Variants in FLOT1 observed in about 807,000 individuals in gnomAD.
FLOT1 encodes flotillin 1.
FLOT1 carries 40 observed loss-of-function variants against 58.4 expected under a neutral mutation model. The observed-to-expected ratio is 0.69, with a 90% CI of 0.53 to 0.89. The LOEUF is 0.89. FLOT1 is among the 40% of genes least tolerant of loss of function. FLOT1 has a pLI of 0.00. For missense variants in FLOT1, 423 were observed against 540.8 expected (o/e 0.78, Z 2.16); for synonymous variants, 178 against 204.2 (o/e 0.87, Z 1.09).
At chr6:30,731,689 C>T (rs1292036086) in intron 8 of FLOT1, among the ~76,000 whole-genome samples, 3 of 152,112 alleles carry the variant, frequency 2.0e-5, no homozygotes, top group African/African-American at 4.8e-5. Flanking sequence ...TGCTCAAATC[C>T]CCCCACTGTT....
At chr6:30,739,705 C>T (rs916529513) in intron 8 of FLOT1, among the ~76,000 whole-genome samples, 3 of 150,818 alleles carry the variant, frequency 2.0e-5, no homozygotes, top group African/African-American at 7.3e-5. Flanking sequence ...TCACTGTCAC[C>T]CAGGCTGGAG....
At chr6:30,729,995 C>G (rs754638843) in intron 12 of FLOT1, 27 bp downstream of exon 12, 1 of 1,587,104 alleles carries the variant, frequency 6.3e-7, no homozygotes, top group Non-Finnish European at 8.5e-7. Context: ...CCTAGCAATT[C>G]TCCTCAGCTC....
At chr6:30,728,723 C>A (rs1042132853) in intron 12 of FLOT1, among the ~76,000 whole-genome samples, 5 of 152,004 alleles carry the variant, frequency 3.3e-5, no homozygotes, top group African/African-American at 1.2e-4. Context: ...TCCACCCTGG[C>A]CTCCCAAAGT....
At chr6:30,731,195 G>A (rs914821220) in intron 8 of FLOT1, 95 bp from the exon 9 acceptor site, 16 of 1,333,034 alleles carry the variant, frequency 1.2e-5, no homozygotes, top group Admixed American at 1.1e-4. Context: ...ATAAAAATAG[G>A]AGCCGGTGGC....
chr6:30,731,548 C>T (rs1195899090), intron 8 of FLOT1, among the ~76,000 whole-genome samples: 1 of 150,838 alleles, frequency 6.6e-6, no homozygotes, highest in African/African-American at 2.4e-5. Context: ...GTCTGCTTGG[C>T]CAGTCCAGTG....
In FLOT1 at chr6:30,742,067, T is replaced by C; in HGVS notation, c.43+80A>G. On this transcript the variant is annotated intron_variant, in intron 2 of 12. Coordinates refer to ENST00000376389, the MANE Select transcript of FLOT1 (RefSeq NM_005803.4). This position sits in a 1 kb window ranked among gnomAD's most constrained non-coding sequence, Gnocchi z 5.2. ...CAGAAGTCTGGTGCTGGGAAGTTGG[T>C]AGGGAGAGGGAGAAGGGGCAGAGGC... 2.8e-6 allele frequency: 4 copies of C among 1,445,840 alleles called. No individual in the cohort carries two copies. The highest frequency in any genetic ancestry group is 3.9e-6 in the Non-Finnish European group (4 of 1,033,080). 89.6% of individuals were successfully genotyped at this position (1,445,840 alleles called of 1,614,324 possible). A position where few individuals can be genotyped will look rare whatever the true frequency, so the allele number is the denominator to read the frequency against.
Position 30,730,446 on chromosome 6 carries a change from C to G in FLOT1, c.1071G>C (p.Leu357=), listed in dbSNP as rs369254052. 67 of 1,577,798 alleles carry G rather than the reference C, an allele frequency of 4.2e-5. No homozygotes were observed. Among genetic ancestry groups the G allele is most frequent in the Admixed American group, 7.3e-5 (4 of 54,950 alleles). The change falls in exon 11 of 13, where the codon CTG becomes CTC. Residue 357 remains leucine (L), a synonymous_variant. Transcript: ENST00000376389. ...LYQEAAQLDM[L]LEKLPQVAEE... is the part of the protein sequence containing the mutation. ...TCCAGACCTGGGGCAGCTTCTCTAG[C>G]AGCATGTCCAGCTGAGCAGCCTCTT...
Position 30,740,819 on chromosome 6 carries a change from G to A in FLOT1, c.355-21C>T, listed in dbSNP as rs555852170. 28 of 1,589,404 alleles carry A rather than the reference G, an allele frequency of 1.8e-5. No homozygotes were observed. The South Asian group carries it at 3.0e-4, about 17-fold the overall frequency. ...ATCTCCTGTGATAACAGGATGGTGG[G>A]GAGAAGGGATGTAAGTTTTTTTTTT... On this transcript the variant is annotated intron_variant, in intron 5 of 12. Transcript: ENST00000376389.
intron 8 of FLOT1, among the ~76,000 whole-genome samples, chr6:30,736,893 T>G (rs1447335918): frequency 6.6e-6 from 1 of 151,652 alleles, no homozygotes; most frequent in Non-Finnish European, 1.5e-5. Flanking sequence ...GCACCCGGCC[T>G]TGCTTCCTCT....
At chr6:30,740,630 T>C in intron 6 of FLOT1, 39 bp from the exon 7 acceptor site, 1 of 1,612,816 alleles carries the variant, frequency 6.2e-7, no homozygotes, top group African/African-American at 1.3e-5. Flanking sequence ...TTGGAGGGCT[T>C]AAGAGATGGG....
In FLOT1 at chr6:30,730,193, GGA is replaced by G; in HGVS notation, c.1090-9_1090-8del. On this transcript the variant is annotated splice_polypyrimidine_tract_variant and splice_region_variant and intron_variant, in intron 11 of 12. Transcript: ENST00000376389. ...CACTGATCTCCTCTGCCACCTGGCA[GGA>G]GAGAGACACCCACTCAGTGCCCATG... The G allele has an allele frequency of 6.2e-7, 1 of 1,612,840 alleles. No individual in the cohort carries two copies. Among genetic ancestry groups the G allele is most frequent in the South Asian group, 1.1e-5 (1 of 91,076 alleles).
intron 8 of FLOT1, among the ~76,000 whole-genome samples, chr6:30,731,611 G>A (rs1461692107): frequency 6.6e-6 from 1 of 151,660 alleles, no homozygotes; most frequent in Non-Finnish European, 1.5e-5. Flanking sequence ...TCCCACGTGT[G>A]CCCCCTTCTA....
At chr6:30,730,776 C>A in intron 9 of FLOT1, 49 bp from the exon 10 acceptor site, 1 of 1,609,524 alleles carries the variant, frequency 6.2e-7, no homozygotes, top group South Asian at 1.1e-5. Flanking sequence ...CCCTTACTCC[C>A]AGGAGAAAGG....
chr6:30,733,076 C>T lies in FLOT1; in HGVS notation c.724-1976G>A, dbSNP rs1014107552. 3.3e-5 allele frequency among the ~76,000 whole-genome samples: 5 copies of T among 152,102 alleles called. No homozygotes were observed. The South Asian group carries it at 6.2e-4, about 19-fold the overall frequency. On this transcript the variant is annotated intron_variant, in intron 8 of 12. Transcript: ENST00000376389. The stretch of plus-strand genomic sequence containing the variant: ...TTGAGATGGAATTTCGCTCTTGGCA[C>T]CCAGGCTGGAGTGCAGTGACGCAGT...
Position 30,741,384 on chromosome 6 carries a change from A to G in FLOT1, c.211-51T>C. The G allele has an allele frequency of 6.2e-7, 1 of 1,607,104 alleles. No individual in the cohort carries two copies. The highest frequency in any genetic ancestry group is 8.5e-7 in the Non-Finnish European group (1 of 1,175,092). Reference sequence around the variant, plus strand: ...GGTGTGGTGGGGGTCTCATGAAGTCAGAGAAAAAGCAGAGAGAGAAGGGAG... The same window carrying G: ...GGTGTGGTGGGGGTCTCATGAAGTCGGAGAAAAAGCAGAGAGAGAAGGGAG... On this transcript the variant is annotated intron_variant, in intron 4 of 12. Coordinates refer to ENST00000376389, the MANE Select transcript of FLOT1 (RefSeq NM_005803.4). This position sits in a 1 kb window ranked among gnomAD's most constrained non-coding sequence, Gnocchi z 5.9.
chr6:30,733,003 A>AT (rs1159897045), intron 8 of FLOT1, among the ~76,000 whole-genome samples: 2 of 151,818 alleles, frequency 1.3e-5, no homozygotes, highest in Non-Finnish European at 2.9e-5. Flanking sequence ...TAAAGACAAT[A>AT]TTTTTTCTGA....
At chr6:30,728,225 A>T (rs1776876801) in intron 12 of FLOT1, 80 bp from the exon 13 acceptor site, 1 of 1,208,696 alleles carries the variant, frequency 8.3e-7, no homozygotes, top group African/African-American at 1.5e-5. Context: ...CCCAGTTTAG[A>T]CGAATGGGCT....
intron 8 of FLOT1, among the ~76,000 whole-genome samples, chr6:30,731,761 T>C (rs1190862701): frequency 2.6e-5 from 4 of 152,194 alleles, no homozygotes; most frequent in Admixed American, 2.6e-4. Context: ...TTTGTGGGGG[T>C]GGGGACAGGT....
In FLOT1 at chr6:30,740,196, T is replaced by A. The variant is rs539202201; in HGVS notation, c.685A>T (p.Thr229Ser). The A allele has an allele frequency of 1.2e-6, 2 of 1,612,896 alleles. No individual in the cohort carries two copies. Among genetic ancestry groups the A allele is most frequent in the Non-Finnish European group, 1.7e-6 (2 of 1,179,996 alleles). The change falls in exon 8 of 13, where the codon ACC becomes TCC. Residue 229 changes from threonine to serine, a missense_variant. Transcript: ENST00000376389. Reference sequence around the variant, plus strand: ...GCCAGGTCAGCCTGTGCTCGGCGGGTGTTGACCTCGATGTCATAGGCGGCC... The same window carrying A: ...GCCAGGTCAGCCTGTGCTCGGCGGGAGTTGACCTCGATGTCATAGGCGGCC... ...KKAAYDIEVN[T>S]RRAQADLAYQ...
Sources: allele counts gnomAD v4.1 joint callset (sites outside exome capture counted in the v4.1 genomes callset), GRCh38; gene constraint gnomAD v4.1.1; non-coding constraint Gnocchi (gnomAD v3.1); transcripts MANE v1.5; gene names NCBI Gene and HGNC (gene_info 2026-07-23, HGNC 2026-07-21).